KIF26B: variants seen among roughly 807,000 people sequenced by gnomAD.
KIF26B encodes kinesin family member 26B, also known as kinesin-like protein KIF26B.
KIF26B carries 63 observed loss-of-function variants against 151.2 expected under a neutral mutation model. That is an observed-to-expected ratio of 0.42 (90% CI 0.34 to 0.51). The LOEUF (loss-of-function observed/expected upper bound fraction) is 0.51. Ranked by LOEUF, KIF26B falls within the 20% of genes least tolerant of loss-of-function variation. The pLI is 0.07. For synonymous variants in KIF26B, 1,357 were observed against 1,262.1 expected (o/e 1.08, Z -1.59); for missense variants, 2,813 against 2,913.6 (o/e 0.97, Z 0.79).
intron 2 of KIF26B, among the ~76,000 whole-genome samples, chr1:245,303,247 G>A (rs149515275): frequency 0.073 from 9,926 of 136,826 alleles, 403 homozygotes; most frequent in Middle Eastern, 0.11. Context: ...CGCCCAGGCC[G>A]GAGTGCAGTG....
intron 9 of KIF26B, among the ~76,000 whole-genome samples, chr1:245,629,344 C>T (rs1240886737): frequency 6.6e-6 from 1 of 152,164 alleles, no homozygotes; most frequent in Non-Finnish European, 1.5e-5. Context: ...TGACTTCAAA[C>T]TATACTACAA....
At chr1:245,388,669 G>A (rs759597796) in intron 3 of KIF26B, among the ~76,000 whole-genome samples, 1 of 122,268 alleles carries the variant, frequency 8.2e-6, no homozygotes, top group East Asian at 4.2e-4. Context: ...ACCTTAAGGG[G>A]GAAAGGGCTA....
intron 9 of KIF26B, among the ~76,000 whole-genome samples, chr1:245,642,805 TC>T (rs1188099708): frequency 6.6e-6 from 1 of 152,098 alleles, no homozygotes; most frequent in Non-Finnish European, 1.5e-5. Flanking sequence ...AGAATAGTTA[TC>T]TGATTACAGA....
intron 4 of KIF26B, among the ~76,000 whole-genome samples, chr1:245,428,517 A>G (rs1392783304): frequency 6.6e-6 from 1 of 152,116 alleles, no homozygotes; most frequent in East Asian, 1.9e-4. Context: ...CATGCCTAAA[A>G]CACCTCAAAT....
At chr1:245,483,042 C>G (rs1356684836) in intron 4 of KIF26B, among the ~76,000 whole-genome samples, 2 of 151,800 alleles carry the variant, frequency 1.3e-5, no homozygotes, top group African/African-American at 4.8e-5. Flanking sequence ...ACTCACACTC[C>G]TGGGCATCAT....
intron 9 of KIF26B, among the ~76,000 whole-genome samples, chr1:245,643,685 G>A (rs12084726): frequency 0.17 from 25,898 of 151,992 alleles, 2,476 homozygotes; most frequent in Middle Eastern, 0.24. Flanking sequence ...TATTCCTTGT[G>A]TTTTTGCTTA....
In KIF26B at chr1:245,622,811, G is replaced by A. The variant is rs147876490; in HGVS notation, c.2098+10835G>A. On this transcript the variant is annotated intron_variant, in intron 9 of 14. Transcript: ENST00000407071. ...AGGAGCAGCATTCCGCTGCTGCCTGGGATTGAGGCGGGGGGAAGGGAGACA... is the reference window on the plus strand; with the variant it reads ...AGGAGCAGCATTCCGCTGCTGCCTGAGATTGAGGCGGGGGGAAGGGAGACA... 1.4e-4 allele frequency among the ~76,000 whole-genome samples: 22 copies of A among 152,236 alleles called. 1 individual carries two copies. In the East Asian group the frequency reaches 4.3e-3, roughly 29 times the overall value.
chr1:245,704,008 T>A lies in KIF26B; in HGVS notation c.*1402T>A, dbSNP rs1409905334. 6.6e-6 allele frequency: 1 copy of A among 152,200 alleles called. No homozygotes were observed. Among genetic ancestry groups the A allele is most frequent in the Non-Finnish European group, 1.5e-5 (1 of 68,046 alleles). 9.4% of individuals were successfully genotyped at this position (152,200 alleles called of 1,614,324 possible). ...AACAACTCAGGACCTCAAATTCAGATGTTCCTCCCTATAACAATTCCCTTA... is the reference window on the plus strand; with the variant it reads ...AACAACTCAGGACCTCAAATTCAGAAGTTCCTCCCTATAACAATTCCCTTA... On this transcript the variant is annotated 3_prime_UTR_variant, in exon 15 of 15. Coordinates refer to ENST00000407071, the MANE Select transcript of KIF26B (RefSeq NM_018012.4).
At chr1:245,475,133 G>A (rs1220162839) in intron 4 of KIF26B, among the ~76,000 whole-genome samples, 3 of 151,804 alleles carry the variant, frequency 2.0e-5, no homozygotes, top group Admixed American at 6.6e-5. Context: ...AGCTCTGTCC[G>A]TATATCCTTA....
intron 2 of KIF26B, among the ~76,000 whole-genome samples, chr1:245,185,311 GT>G (rs1558337646): frequency 1.3e-5 from 2 of 152,018 alleles, no homozygotes; most frequent in African/African-American, 4.8e-5. Flanking sequence ...GCTAGTTTTT[GT>G]ATTTTTAGTA....
intron 2 of KIF26B, among the ~76,000 whole-genome samples, chr1:245,193,403 C>G (rs1307336230): frequency 6.6e-6 from 1 of 152,168 alleles, no homozygotes; most frequent in Non-Finnish European, 1.5e-5. Flanking sequence ...CTTCTTATTG[C>G]CATTGTGTTC....
chr1:245,461,684 A>G (rs527900346), intron 4 of KIF26B, among the ~76,000 whole-genome samples: 4 of 152,242 alleles, frequency 2.6e-5, no homozygotes, highest in Non-Finnish European at 5.9e-5. Flanking sequence ...TGAGAGCTCT[A>G]TGTTGCATCT....
chr1:245,535,404 C>T (rs115191035), intron 4 of KIF26B, among the ~76,000 whole-genome samples: 1 of 152,196 alleles, frequency 6.6e-6, no homozygotes, highest in African/African-American at 2.4e-5. Flanking sequence ...ATTTTATATG[C>T]ATTCTCAAGA....
In KIF26B at chr1:245,702,513, G is replaced by C. The variant is rs1304132246; in HGVS notation, c.6234G>C (p.Glu2078Asp). 1 of 1,613,960 alleles carries C rather than the reference G, an allele frequency of 6.2e-7. No homozygotes were observed. The highest frequency in any genetic ancestry group is 1.3e-5 in the African/African-American group (1 of 75,026). ...CCCTGGAGTACCTGGAGGCACTGGA[G>C]TGTGTGACGGAGCGCCTGGAGAGCC... ...LDSLEYLEAL[E>D]CVTERLESRV... Residue 2078 changes from glutamate to aspartate, a missense_variant, in exon 15 of 15, where the codon GAG (glutamate) becomes GAC (aspartate). Around this residue, in one of 3 missense-constraint regions of KIF26B, gnomAD observed 2,060 missense variants for 2,088.6 expected, o/e 0.99. Transcript: ENST00000407071. This position sits in a 1 kb window ranked among gnomAD's most constrained non-coding sequence, Gnocchi z 4.1.
Position 245,602,075 on chromosome 1 carries a change from A to C in KIF26B, c.1351-502A>C, listed in dbSNP as rs2043402632. Among the ~76,000 whole-genome samples the C allele has an allele frequency of 6.6e-6, 1 of 152,186 alleles. No homozygotes were observed. The highest frequency in any genetic ancestry group is 2.1e-4 in the South Asian group (1 of 4,832). On this transcript the variant is annotated intron_variant, in intron 5 of 14. Transcript: ENST00000407071. The surrounding 1 kb of genome is among the most constrained non-coding windows in gnomAD (Gnocchi z 4.5). ...GAACACATTTCGAATGCTGGCCATT[A>C]AAAGCAGGCCATTTCACGGTTCTTT...
At chr1:245,201,881 CAGCTTGACTTCATGCTCCAGGG>C (rs2103538358) in intron 2 of KIF26B, among the ~76,000 whole-genome samples, 1 of 152,274 alleles carries the variant, frequency 6.6e-6, no homozygotes, top group East Asian at 1.9e-4. Flanking sequence ...TTTGAGGAGG[CAGCTTGACTTCATGCTCCAGGG>C]AGAAGTCTTT....
intron 3 of KIF26B, among the ~76,000 whole-genome samples, chr1:245,377,931 A>T (rs1348992087): frequency 2.6e-5 from 4 of 152,194 alleles, no homozygotes; most frequent in Non-Finnish European, 2.9e-5. Flanking sequence ...CAAAATGAAA[A>T]AATGCTCAGG....
intron 5 of KIF26B, among the ~76,000 whole-genome samples, chr1:245,600,318 G>C (rs531361814): frequency 6.9e-6 from 1 of 144,294 alleles, no homozygotes; most frequent in Middle Eastern, 3.5e-3. Context: ...GATTACAGGC[G>C]TGAGCCACCA....
intron 9 of KIF26B, among the ~76,000 whole-genome samples, chr1:245,641,188 G>C (rs902452156): frequency 7.9e-5 from 12 of 151,974 alleles, no homozygotes; most frequent in Admixed American, 7.9e-4. Context: ...CTGCTGAGAA[G>C]TCTGCTGCCA....
Sources: allele counts gnomAD v4.1 joint callset (sites outside exome capture counted in the v4.1 genomes callset), GRCh38; gene constraint gnomAD v4.1.1; regional missense constraint gnomAD v4.1.1; non-coding constraint Gnocchi (gnomAD v3.1); transcripts MANE v1.5; gene names NCBI Gene and HGNC (gene_info 2026-07-23, HGNC 2026-07-21).